LDB1: variants seen among roughly 807,000 people sequenced by gnomAD.
LDB1 encodes LIM domain-binding protein 1.
In LDB1, 6 loss-of-function variants were observed where a neutral mutation model predicts 49.7. That is an observed-to-expected ratio of 0.12 (90% CI 0.07 to 0.24). The LOEUF (loss-of-function observed/expected upper bound fraction) is 0.24, where lower values mean the gene tolerates loss of function less well. LDB1 is among the 10% of genes least tolerant of loss of function. The probability of loss-of-function intolerance (pLI) is 1.00; values close to 1 mark genes in which losing one functional copy is unlikely to be tolerated. For missense variants in LDB1, 341 were observed against 561.7 expected (o/e 0.61, Z 3.97); for synonymous variants, 233 against 202.0 (o/e 1.15, Z -1.30).
chr10:102,108,069 A>AGGGTGGGG lies in LDB1; in HGVS notation c.*23_*24insCCCCACCC. 6.4e-7 allele frequency: 1 copy of AGGGTGGGG among 1,565,728 alleles called. No individual in the cohort carries two copies. Among genetic ancestry groups the AGGGTGGGG allele is most frequent in the African/African-American group, 1.4e-5 (1 of 74,038 alleles). On this transcript the variant is annotated 3_prime_UTR_variant, in exon 11 of 11. Coordinates refer to ENST00000673968, the MANE Select transcript of LDB1 (RefSeq NM_001113407.3). Reference sequence around the variant, plus strand: ...GAGGGGTGGGGCAGGTAGGCAGAGCACTGGGTGGCCACAGCAGGGCCTTTT... The same window carrying AGGGTGGGG: ...GAGGGGTGGGGCAGGTAGGCAGAGCAGGGTGGGGCTGGGTGGCCACAGCAGGGCCTTTT...
chr10:102,114,811 A>AGGGG, intron 1 of LDB1: 101 of 883,024 alleles, frequency 1.1e-4, no homozygotes, highest in Middle Eastern at 5.9e-4. Flanking sequence ...GCCTCCGAGC[A>AGGGG]GCCCGCCCGC....
At chr10:102,111,655 A>C (rs2068256610) in intron 1 of LDB1, 119 bp from the exon 2 acceptor site, 1 of 573,092 alleles carries the variant, frequency 1.7e-6, no homozygotes, top group Non-Finnish European at 3.1e-6. Context: ...TGCAGGGACC[A>C]GCCTAGGCAA....
chr10:102,120,040 G>T, intron 1 of LDB1, 46 bp downstream of exon 1: 1 of 1,393,680 alleles, frequency 7.2e-7, no homozygotes, highest in East Asian at 3.0e-5. Flanking sequence ...GGGTCCGCAG[G>T]GACGGCTGGG....
intron 1 of LDB1, among the ~76,000 whole-genome samples, chr10:102,118,944 T>G (rs1000435263): frequency 3.2e-4 from 49 of 152,182 alleles, no homozygotes; most frequent in African/African-American, 9.9e-4. Context: ...TATTCCTCCT[T>G]CTGGGACCCA....
In LDB1 at chr10:102,108,843, G is replaced by A. The variant is rs116960764; in HGVS notation, c.1005+186C>T. 1.6e-4 allele frequency: 113 copies of A among 722,110 alleles called. 1 individual carries two copies. In the East Asian group the frequency reaches 2.7e-3, roughly 17 times the overall value. 44.7% of individuals were successfully genotyped at this position (722,110 alleles called of 1,614,324 possible). A position where few individuals can be genotyped will look rare whatever the true frequency, so the allele number is the denominator to read the frequency against. On this transcript the variant is annotated intron_variant, in intron 10 of 10. Coordinates refer to ENST00000673968, the MANE Select transcript of LDB1 (RefSeq NM_001113407.3). ...CCTAGCTTCCTATGGCTGAGTCTGTGTGATCACACCCATGCAAGTGCCTGA... is the reference window on the plus strand; with the variant it reads ...CCTAGCTTCCTATGGCTGAGTCTGTATGATCACACCCATGCAAGTGCCTGA...
At position 102,107,086 on chromosome 10, in the gene LDB1, G is replaced by A. The variant is rs1285818054; in HGVS notation, c.*1007C>T. 6.6e-6 allele frequency among the ~76,000 whole-genome samples: 1 copy of A among 152,078 alleles called. No individual in the cohort carries two copies. The highest frequency in any genetic ancestry group is 6.6e-5 in the Admixed American group (1 of 15,254). On this transcript the variant is annotated 3_prime_UTR_variant, in exon 11 of 11. Coordinates refer to ENST00000673968, the MANE Select transcript of LDB1 (RefSeq NM_001113407.3). ...TGAGCCCCTCTCCCATCCCATGCCT[G>A]CCCAACTGAAACAAAACCAAAAATA...
intron 1 of LDB1, chr10:102,114,812 G>C (rs1285395218): frequency 3.2e-6 from 3 of 929,818 alleles, no homozygotes; most frequent in Non-Finnish European, 2.6e-6. Context: ...CCTCCGAGCA[G>C]CCCGCCCGCC....
intron 1 of LDB1, 103 bp from the exon 2 acceptor site, chr10:102,111,639 C>T (rs2068256293): frequency 3.1e-6 from 2 of 646,154 alleles, no homozygotes; most frequent in South Asian, 2.3e-5. Flanking sequence ...CACAGGAGGT[C>T]GAGGCTGCAG....
At position 102,110,570 on chromosome 10, in the gene LDB1, C is replaced by T. The variant is rs1044703972; in HGVS notation, c.484G>A (p.Gly162Ser). The T allele has an allele frequency of 1.9e-6, 3 of 1,613,806 alleles. No individual in the cohort carries two copies. Among genetic ancestry groups the T allele is most frequent in the African/African-American group, 1.3e-5 (1 of 74,892 alleles). The change falls in exon 6 of 11, where the codon GGC becomes AGC. Residue 162 changes from glycine to serine, a missense_variant. Physicochemically the swap from Gly to Ser is moderately conservative, Grantham distance 56. Coordinates refer to ENST00000673968, the MANE Select transcript of LDB1 (RefSeq NM_001113407.3). ...SNFVSLDCDQ[G>S]SMVTQHGKPM... ...TTGCCATGCTGGGTCACCATGCTGC[C>T]CTGGTCACAGTCGAGGGACACAAAG... is the stretch of plus-strand genomic sequence containing the variant.
intron 1 of LDB1, among the ~76,000 whole-genome samples, chr10:102,119,736 T>C: frequency 7.9e-6 from 1 of 127,258 alleles, no homozygotes; most frequent in Non-Finnish European, 1.6e-5. Context: ...CACAACTCTA[T>C]GGTGACCTGA....
intron 1 of LDB1, among the ~76,000 whole-genome samples, chr10:102,115,272 C>A (rs1330471098): frequency 3.3e-5 from 5 of 152,106 alleles, no homozygotes; most frequent in Admixed American, 1.3e-4. Context: ...AGCAGGTGGG[C>A]CAAAGCCACT....
At chr10:102,110,190 G>T in intron 6 of LDB1, 147 bp from the exon 7 acceptor site, 1 of 874,430 alleles carries the variant, frequency 1.1e-6, no homozygotes, top group East Asian at 2.7e-5. Flanking sequence ...AAATGTCACA[G>T]TACCCCCCAC....
downstream of LDB1, among the ~76,000 whole-genome samples, chr10:102,106,242 G>A (rs77850387): frequency 0.014 from 2,115 of 152,064 alleles, 19 homozygotes; most frequent in Non-Finnish European, 0.023. Flanking sequence ...GAGAGGTGGG[G>A]AGCAGACTGA....
rs561722508 is a variant in LDB1, at chr10:102,118,127, C to A, written c.25+1959G>T. Among the ~76,000 whole-genome samples the A allele has an allele frequency of 1.2e-4, 18 of 152,238 alleles. No individual in the cohort carries two copies. The East Asian group carries it at 1.9e-3, about 16-fold the overall frequency. On this transcript the variant is annotated intron_variant, in intron 1 of 10. Transcript: ENST00000673968. ...CCTGGACTGCTACATGCTGCCATGC[C>A]TTCCTTGTGTTCAAGCATGTGCTCC...
downstream of LDB1, among the ~76,000 whole-genome samples, chr10:102,104,839 T>G (rs1322253270): frequency 6.6e-6 from 1 of 152,064 alleles, no homozygotes; most frequent in Non-Finnish European, 1.5e-5. Context: ...AGCCACACAT[T>G]TAACAACACA....
chr10:102,108,930 G>A (rs1422994495), intron 10 of LDB1, 99 bp downstream of exon 10: 1 of 1,511,238 alleles, frequency 6.6e-7, no homozygotes, highest in Non-Finnish European at 9.2e-7. Context: ...GAGAAAAACT[G>A]TCTTTGCTTC....
intron 1 of LDB1, 106 bp from the exon 2 acceptor site, chr10:102,111,642 G>A: frequency 1.6e-6 from 1 of 629,520 alleles, no homozygotes; most frequent in Non-Finnish European, 2.7e-6. Context: ...AGGAGGTCGA[G>A]GCTGCAGGGA....
At chr10:102,110,173 G>C in intron 6 of LDB1, 130 bp from the exon 7 acceptor site, 1 of 1,026,604 alleles carries the variant, frequency 9.7e-7, no homozygotes, top group Non-Finnish European at 1.4e-6. Context: ...ATTAAATCTG[G>C]GTGCATAAAT....
At chr10:102,116,864 T>C (rs1396657380) in intron 1 of LDB1, among the ~76,000 whole-genome samples, 1 of 152,028 alleles carries the variant, frequency 6.6e-6, no homozygotes, top group Non-Finnish European at 1.5e-5. Context: ...AACTCTGGGG[T>C]AGTCCCACTT....
Sources: allele counts gnomAD v4.1 joint callset (sites outside exome capture counted in the v4.1 genomes callset), GRCh38; gene constraint gnomAD v4.1.1; transcripts MANE v1.5; gene names NCBI Gene and HGNC (gene_info 2026-07-23, HGNC 2026-07-21).